Variants in TDRD1 observed in about 807,000 individuals in gnomAD.
TDRD1 encodes tudor domain-containing protein 1.
Under a neutral mutation model 140.6 loss-of-function variants are expected in TDRD1, and 37 were observed. The ratio of observed to expected loss-of-function variants is 0.26; its 90% CI spans 0.20 to 0.35. The LOEUF is 0.35. Among genes scored for constraint, TDRD1 ranks in the 10% least tolerant of loss-of-function variants. The pLI, the probability that TDRD1 is intolerant of heterozygous loss-of-function variation, is 1.00. For missense variants in TDRD1, 1,243 were observed against 1,393.0 expected, an observed-to-expected ratio of 0.89 and a Z score of 1.71; for synonymous variants, 506 against 475.7, an observed-to-expected ratio of 1.06 and a Z score of -0.83.
rs538924366 is a variant in TDRD1, at chr10:114,198,037, G to T, written c.385-1136G>T. Among the ~76,000 whole-genome samples the T allele has an allele frequency of 3.3e-5, 5 of 152,100 alleles. 1 individual carries two copies. The highest frequency in any genetic ancestry group is 5.9e-5 in the Non-Finnish European group (4 of 68,006). On this transcript the variant is annotated intron_variant, in intron 3 of 25. Transcript: ENST00000251864. The stretch of plus-strand genomic sequence containing the variant: ...TGCTTGTTTGTTACCGCCAGGTCGG[G>T]GGGTATATGTCCAGGTTCCCTACTC...
exon 5 of TDRD1, chr10:114,201,441 C>T: frequency 6.2e-7 from 1 of 1,613,990 alleles, no homozygotes; most frequent in Non-Finnish European, 8.5e-7. Flanking sequence ...GCAAGCAGAC[C>T]TACTATTGCT....
chr10:114,232,571 A>G (rs1226839582), downstream of TDRD1, among the ~76,000 whole-genome samples: 1 of 126,850 alleles, frequency 7.9e-6, no homozygotes, highest in Non-Finnish European at 1.6e-5. Flanking sequence ...GTTAAATGGG[A>G]TATTTCCTCA....
intron 11 of TDRD1, among the ~76,000 whole-genome samples, chr10:114,207,238 T>G (rs1048884792): frequency 6.6e-6 from 1 of 152,240 alleles, no homozygotes; most frequent in Admixed American, 6.5e-5. Context: ...AGGTGATTGC[T>G]AGAGTAACAG....
At chr10:114,204,520 G>T (rs1182239418) in intron 9 of TDRD1, among the ~76,000 whole-genome samples, 1 of 152,196 alleles carries the variant, frequency 6.6e-6, no homozygotes, top group South Asian at 2.1e-4. Flanking sequence ...AATTTCTCCA[G>T]CTTCAAGTAC....
At chr10:114,210,521 A>G in intron 11 of TDRD1, 60 bp from the exon 12 acceptor site, 3 of 1,372,518 alleles carry the variant, frequency 2.2e-6, no homozygotes, top group South Asian at 1.6e-5. Context: ...AGCGTGCATA[A>G]TTTTTTTTTT....
chr10:114,194,788 T>TC (rs771347883), intron 3 of TDRD1, among the ~76,000 whole-genome samples: 3 of 149,918 alleles, frequency 2.0e-5, no homozygotes, highest in Non-Finnish European at 4.4e-5. Flanking sequence ...AGACAAGGTC[T>TC]CCCTCTGTCA....
intron 18 of TDRD1, 126 bp downstream of exon 18, chr10:114,218,710 G>C: frequency 2.9e-6 from 2 of 694,592 alleles, no homozygotes. Flanking sequence ...ATAAAACTTA[G>C]AAATTTTACT....
At chr10:114,222,246 G>A (rs2036188629) in intron 20 of TDRD1, among the ~76,000 whole-genome samples, 1 of 152,134 alleles carries the variant, frequency 6.6e-6, no homozygotes, top group African/African-American at 2.4e-5. Context: ...ATTTTATTAA[G>A]TATAACACTT....
intron 25 of TDRD1, among the ~76,000 whole-genome samples, chr10:114,229,828 A>ATT (rs1348266678): frequency 7.1e-6 from 1 of 141,692 alleles, no homozygotes; most frequent in Non-Finnish European, 1.5e-5. Flanking sequence ...TTTTTTTTTT[A>ATT]TTTTTTATTT....
At chr10:114,191,880 G>A (rs2033989115) in intron 3 of TDRD1, among the ~76,000 whole-genome samples, 1 of 152,094 alleles carries the variant, frequency 6.6e-6, no homozygotes, top group African/African-American at 2.4e-5. Context: ...ATCAGCATTT[G>A]GTGGTGTAGG....
intron 10 of TDRD1, 88 bp from the exon 11 acceptor site, chr10:114,206,156 T>C: frequency 1.0e-6 from 1 of 976,320 alleles, no homozygotes. Flanking sequence ...ACGTGTGTTG[T>C]ATGATTGACT....
chr10:114,206,516 C>A (rs1299595941), intron 11 of TDRD1, among the ~76,000 whole-genome samples, 186 bp downstream of exon 11: 1 of 151,906 alleles, frequency 6.6e-6, no homozygotes, highest in Non-Finnish European at 1.5e-5. Flanking sequence ...CCTGCCTGTT[C>A]TCCTCCTCTG....
chr10:114,203,081 C>T (rs745952876), exon 7 of TDRD1: 15 of 1,611,844 alleles, frequency 9.3e-6, no homozygotes, highest in Non-Finnish European at 1.2e-5. Flanking sequence ...GAGTGACTGT[C>T]CACTTGGAGT....
intron 20 of TDRD1, 37 bp downstream of exon 20, chr10:114,221,513 C>T (rs746712964): frequency 1.3e-6 from 2 of 1,590,154 alleles, no homozygotes; most frequent in South Asian, 2.3e-5. Flanking sequence ...TTATGCTCAT[C>T]TTTTAAACTG....
chr10:114,221,723 T>G (rs1284187632), intron 20 of TDRD1, among the ~76,000 whole-genome samples: 3 of 152,212 alleles, frequency 2.0e-5, no homozygotes. Flanking sequence ...AGAAGTGTCC[T>G]TAATTACTGT....
chr10:114,217,379 T>A (rs1274918422), intron 16 of TDRD1, among the ~76,000 whole-genome samples, 166 bp from the exon 17 acceptor site: 1 of 152,220 alleles, frequency 6.6e-6, no homozygotes, highest in African/African-American at 2.4e-5. Flanking sequence ...AACAACTTAT[T>A]TGCCCAGTAG....
intron 25 of TDRD1, chr10:114,228,203 G>C (rs1398415977): frequency 5.4e-6 from 8 of 1,480,604 alleles, no homozygotes; most frequent in Non-Finnish European, 6.3e-6. Context: ...TGGCAGGATA[G>C]AGCTAATGGA....
Position 114,210,973 on chromosome 10 carries a change from G to C in TDRD1, c.1660+6G>C, listed in dbSNP as rs572463130. Reference sequence around the variant, plus strand: ...ATGTTGTGCTCAGTTCTCAGGTAAGGACAGAGTATTACTGATTTTTAAAAT... The same window carrying C: ...ATGTTGTGCTCAGTTCTCAGGTAAGCACAGAGTATTACTGATTTTTAAAAT... On this transcript the variant is annotated splice_donor_region_variant and intron_variant, in intron 13 of 25. Coordinates refer to ENST00000251864, the Ensembl canonical transcript of TDRD1. 2 of 1,600,822 alleles carry C rather than the reference G, an allele frequency of 1.2e-6. No homozygotes were observed. The highest frequency in any genetic ancestry group is 1.7e-5 in the Admixed American group (1 of 59,278).
chr10:114,184,170 A>ATTT (rs112348745), intron 1 of TDRD1, among the ~76,000 whole-genome samples: 56 of 146,756 alleles, frequency 3.8e-4, no homozygotes, highest in Admixed American at 1.0e-3. Context: ...TTCAATTTGA[A>ATTT]TTTTTTTTTT....
Sources: gnomAD v4.1 joint callset for allele counts (sites outside exome capture counted in the v4.1 genomes callset) on GRCh38, gnomAD v4.1.1 for gene constraint, MANE v1.5 for transcripts, NCBI Gene and HGNC (gene_info 2026-07-23, HGNC 2026-07-21) for gene names.